The following CWH43 variants were observed in gnomAD, a reference collection of about 807,000 sequenced individuals.
CWH43 encodes the protein cell wall biogenesis 43 C-terminal homolog, also known as PGAP2-interacting protein.
A neutral mutation model predicts 85.7 loss-of-function variants in CWH43; 91 were observed. That is an observed-to-expected ratio of 1.06 (90% CI 0.90 to 1.26). The LOEUF is 1.26. Ranked by LOEUF, CWH43 falls within the 50% of genes most tolerant of loss-of-function variation. The pLI is 0.00. For missense variants in CWH43, 869 were observed against 839.2 expected (o/e 1.04, Z -0.44); for synonymous variants, 323 against 293.6 (o/e 1.10, Z -1.02).
intron 9 of CWH43, among the ~76,000 whole-genome samples, chr4:49,027,477 T>C (rs564014452): frequency 6.6e-6 from 1 of 152,230 alleles, no homozygotes; most frequent in Non-Finnish European, 1.5e-5. Context: ...TTGAAATCTC[T>C]GTTGATGGTT....
At position 49,003,881 on chromosome 4, in the gene CWH43, A is replaced by AC; in HGVS notation, c.951dup (p.Ile318HisfsTer20). Reference sequence around the variant, plus strand: ...AGGGACAAACCCTGGGAAAACCATGACCATTGCCATGATATTTTATCTTCT... The same window carrying AC: ...AGGGACAAACCCTGGGAAAACCATGACCCATTGCCATGATATTTTATCTTCT... On this transcript the variant is annotated frameshift_variant, in exon 7 of 16. Transcript: ENST00000226432. LOFTEE classifies it high-confidence loss of function. 6.2e-7 allele frequency: 1 copy of AC among 1,613,922 alleles called. No homozygotes were observed. Among genetic ancestry groups the AC allele is most frequent in the Non-Finnish European group, 8.5e-7 (1 of 1,179,902 alleles).
chr4:48,986,917 C>A, intron 1 of CWH43: 1 of 621,180 alleles, frequency 1.6e-6, no homozygotes, highest in Non-Finnish European at 2.0e-6. Context: ...TGGGCGGCAG[C>A]TGCTGCCGTG....
chr4:49,016,898 G>A (rs1013912133), intron 8 of CWH43: 31 of 784,216 alleles, frequency 4.0e-5, no homozygotes, highest in Admixed American at 1.5e-4. Flanking sequence ...ACGTAGCTCT[G>A]CAGTCTTTGA....
intron 9 of CWH43, among the ~76,000 whole-genome samples, chr4:49,020,197 A>G (rs1192088922): frequency 5.9e-5 from 9 of 152,068 alleles, no homozygotes; most frequent in Non-Finnish European, 1.0e-4. Context: ...CTGAGTCTCC[A>G]AAGTTCATTG....
At chr4:49,026,974 A>G (rs1309932296) in intron 9 of CWH43, among the ~76,000 whole-genome samples, 2 of 152,168 alleles carry the variant, frequency 1.3e-5, no homozygotes, top group African/African-American at 4.8e-5. Context: ...ACTGTTTTCC[A>G]TTGTGATTGT....
At chr4:48,998,300 TATA>T (rs1315356218) in intron 5 of CWH43, among the ~76,000 whole-genome samples, 157 bp from the exon 6 acceptor site, 2 of 152,230 alleles carry the variant, frequency 1.3e-5, no homozygotes, top group Non-Finnish European at 2.9e-5. Context: ...TCTGAATGTG[TATA>T]ATATTGGCTT....
intron 13 of CWH43, among the ~76,000 whole-genome samples, chr4:49,044,028 A>G (rs1784548002): frequency 6.6e-6 from 1 of 152,158 alleles, no homozygotes; most frequent in Non-Finnish European, 1.5e-5. Context: ...ATTAAATGTT[A>G]ATAGTAAAAT....
At chr4:48,997,172 T>A (rs1782841262) in intron 5 of CWH43, among the ~76,000 whole-genome samples, 1 of 152,082 alleles carries the variant, frequency 6.6e-6, no homozygotes, top group African/African-American at 2.4e-5. Flanking sequence ...TAGGCCATCA[T>A]CATGAATAGC....
chr4:49,038,537 T>C (rs1311173146), intron 13 of CWH43, among the ~76,000 whole-genome samples: 2 of 152,208 alleles, frequency 1.3e-5, no homozygotes, highest in Non-Finnish European at 2.9e-5. Context: ...CCTCCCTGCA[T>C]GGTGCTGGCT....
Position 49,050,719 on chromosome 4 carries a change from G to A in CWH43, c.1891G>A (p.Ala631Thr), listed in dbSNP as rs1784765964. The change falls in exon 15 of 16, where the codon GCT becomes ACT. Residue 631 changes from alanine to threonine, a missense_variant. Physicochemically the swap from Ala to Thr is moderately conservative, Grantham distance 58. Transcript: ENST00000226432. ...GTTGGGTTATGCAAGAATCTCCCAT[G>A]CTGAACTGAGTGATTCAGAAATTCA... is the stretch of plus-strand genomic sequence containing the variant. ...IRLGYARISH[A>T]ELSDSEIQMA... 1 of 1,613,192 alleles carries A rather than the reference G, an allele frequency of 6.2e-7. No individual in the cohort carries two copies. The highest frequency in any genetic ancestry group is 1.1e-5 in the South Asian group (1 of 91,006).
intron 13 of CWH43, among the ~76,000 whole-genome samples, chr4:49,041,964 G>A (rs1175775760): frequency 6.6e-6 from 1 of 152,188 alleles, no homozygotes; most frequent in Admixed American, 6.5e-5. Flanking sequence ...CATATTCACA[G>A]CTAAAATACC....
rs549674006 is a variant in CWH43 at position 49,056,277 on chromosome 4, C to T, written c.2021+5428C>T. On this transcript the variant is annotated intron_variant, in intron 15 of 15. Coordinates refer to ENST00000226432, the MANE Select transcript of CWH43 (RefSeq NM_025087.3). ...TTTTCTTTAGATGTTTTGTAGAATT[C>T]ACCAGTGAGGCAATTGGGTCTGGGC... Among the ~76,000 whole-genome samples, 11 of 152,176 alleles carry T rather than the reference C, an allele frequency of 7.2e-5. No individual in the cohort carries two copies. The South Asian group carries it at 1.7e-3, about 23-fold the overall frequency.
intron 6 of CWH43, among the ~76,000 whole-genome samples, chr4:49,001,593 G>C (rs1424470252): frequency 1.3e-5 from 2 of 152,092 alleles, no homozygotes; most frequent in Non-Finnish European, 2.9e-5. Context: ...CCTTCACTAA[G>C]GGGAACAAAT....
At chr4:49,028,189 C>G (rs1783979035) in intron 9 of CWH43, among the ~76,000 whole-genome samples, 1 of 152,024 alleles carries the variant, frequency 6.6e-6, no homozygotes, top group African/African-American at 2.4e-5. Context: ...TCTGATGTAT[C>G]TATTTTGCAA....
intron 8 of CWH43, among the ~76,000 whole-genome samples, chr4:49,014,225 G>A (rs1783458211): frequency 1.3e-5 from 2 of 152,138 alleles, no homozygotes; most frequent in South Asian, 2.1e-4. Context: ...GGCCAAGGCA[G>A]GAGGATTGCT....
intron 13 of CWH43, among the ~76,000 whole-genome samples, chr4:49,039,728 T>C (rs1426728002): frequency 6.6e-6 from 1 of 151,808 alleles, no homozygotes; most frequent in South Asian, 2.1e-4. Flanking sequence ...TATTTCTTTT[T>C]TTTTCTGATT....
chr4:49,006,875 ACTTCACTGTCCC>A (rs1213390115), intron 7 of CWH43, among the ~76,000 whole-genome samples: 2 of 152,136 alleles, frequency 1.3e-5, no homozygotes, highest in African/African-American at 4.8e-5. Flanking sequence ...AGCTCAGAAG[ACTTCACTGTCCC>A]CTGCCCAATC....
rs1486410126 is a variant in CWH43, at chr4:49,003,993, G to T, written c.1060+1G>T. 6.2e-7 allele frequency: 1 copy of T among 1,607,120 alleles called. No homozygotes were observed. Among genetic ancestry groups the T allele is most frequent in the Non-Finnish European group, 8.5e-7 (1 of 1,178,132 alleles). On this transcript the variant is annotated splice_donor_variant, in intron 7 of 15. Coordinates refer to ENST00000226432, the MANE Select transcript of CWH43 (RefSeq NM_025087.3). LOFTEE classifies it high-confidence loss of function. ...AGAGAAAGATCAGATGTGCTTTTGG[G>T]TGAGTACATTTGAAAGGTCTGGATT... is the stretch of plus-strand genomic sequence containing the variant.
intron 15 of CWH43, among the ~76,000 whole-genome samples, chr4:49,053,230 T>C (rs1784852625): frequency 6.6e-6 from 1 of 152,220 alleles, no homozygotes; most frequent in Admixed American, 6.5e-5. Flanking sequence ...TTCTTGGCTA[T>C]AGTGAAAAAT....
Sources: gnomAD v4.1 joint callset for allele counts (sites outside exome capture counted in the v4.1 genomes callset) on GRCh38, gnomAD v4.1.1 for gene constraint, MANE v1.5 for transcripts, NCBI Gene and HGNC (gene_info 2026-07-23, HGNC 2026-07-21) for gene names.